The following ZNF559 variants were observed in gnomAD, a reference collection of about 807,000 sequenced individuals.
ZNF559 encodes zinc finger protein 559, also known as putative protein product of Nbla00121.
In ZNF559, 17 loss-of-function variants were observed where a neutral mutation model predicts 14.2. That is an observed-to-expected ratio of 1.20 (90% CI 0.82 to 1.80). ZNF559 has a LOEUF of 1.80. Ranked by LOEUF, ZNF559 falls within the 40% of genes most tolerant of loss-of-function variation. ZNF559 has a pLI of 0.00. For synonymous variants in ZNF559, 244 were observed against 212.4 expected, an observed-to-expected ratio of 1.15 and a Z score of -1.29; for missense variants, 740 against 629.7, an observed-to-expected ratio of 1.18 and a Z score of -1.88.
At chr19:9,330,624 C>T (rs886689803) in intron 2 of ZNF559, among the ~76,000 whole-genome samples, 3 of 152,126 alleles carry the variant, frequency 2.0e-5, no homozygotes, top group African/African-American at 7.2e-5. Flanking sequence ...TTATTGTACT[C>T]TTCAACTCCA....
intron 2 of ZNF559, among the ~76,000 whole-genome samples, chr19:9,334,117 G>A (rs757442804): frequency 6.6e-6 from 1 of 152,124 alleles, no homozygotes; most frequent in Non-Finnish European, 1.5e-5. Context: ...CCTTAAATGC[G>A]ACCATATAAC....
At chr19:9,325,001 C>T (rs550684329) in intron 2 of ZNF559, among the ~76,000 whole-genome samples, 13 of 152,328 alleles carry the variant, frequency 8.5e-5, no homozygotes, top group Admixed American at 2.0e-4. Context: ...AGATCTCACT[C>T]TAGCGCCCTG....
chr19:9,345,629 A>G lies in ZNF559; in HGVS notation c.*2561A>G, dbSNP rs770388503. ...GTCTGTTCAAATCTTTTGCCTGTTTATATTGGCTTTATTTTTTATTTATTT... is the reference window on the plus strand; with the variant it reads ...GTCTGTTCAAATCTTTTGCCTGTTTGTATTGGCTTTATTTTTTATTTATTT... On this transcript the variant is annotated 3_prime_UTR_variant, in exon 7 of 7. Transcript: ENST00000603380. 49 of 149,626 alleles carry G rather than the reference A, an allele frequency of 3.3e-4. No homozygotes were observed. Among genetic ancestry groups the G allele is most frequent in the Non-Finnish European group, 6.1e-4 (41 of 67,486 alleles). The allele number at this position is 149,626 out of a possible 1,614,324, so 9.3% of individuals were successfully genotyped here.
rs138196278 is a variant in ZNF559, at chr19:9,331,913, A to G, written c.-119-5883A>G. Among the ~76,000 whole-genome samples, 336 of 152,300 alleles carry G rather than the reference A, an allele frequency of 2.2e-3. 2 individuals carry two copies. Among genetic ancestry groups the G allele is most frequent in the Admixed American group, 4.0e-3 (61 of 15,306 alleles). Reference sequence around the variant, plus strand: ...TTGCTAATTCAGACCCCTGTGGAAAACAGATTTATTAACTGAGTTATTTTT... The same window carrying G: ...TTGCTAATTCAGACCCCTGTGGAAAGCAGATTTATTAACTGAGTTATTTTT... On this transcript the variant is annotated intron_variant, in intron 2 of 6. Coordinates refer to ENST00000603380, the MANE Select transcript of ZNF559 (RefSeq NM_032497.3).
chr19:9,332,381 A>G (rs1472524089), intron 2 of ZNF559, among the ~76,000 whole-genome samples: 1 of 148,270 alleles, frequency 6.7e-6, no homozygotes, highest in African/African-American at 2.5e-5. Context: ...CACTGTATTC[A>G]TTTTGCTAAA....
chr19:9,339,340 T>C (rs764644898), intron 5 of ZNF559, 21 bp downstream of exon 5: 4 of 1,579,860 alleles, frequency 2.5e-6, no homozygotes, highest in Non-Finnish European at 1.7e-6. Flanking sequence ...TACCATTCTT[T>C]TCATTTAGTT....
At chr19:9,330,416 C>T (rs1383774087) in intron 2 of ZNF559, among the ~76,000 whole-genome samples, 1 of 152,172 alleles carries the variant, frequency 6.6e-6, no homozygotes, top group Non-Finnish European at 1.5e-5. Flanking sequence ...ACTCATTTCT[C>T]TCTCTGCTCC....
At chr19:9,324,398 C>T in intron 1 of ZNF559, 170 bp downstream of exon 1, 2 of 1,477,342 alleles carry the variant, frequency 1.4e-6, no homozygotes, top group Middle Eastern at 1.9e-4. Flanking sequence ...CTGAGAGCCA[C>T]AGTCAGGTCT....
chr19:9,324,518 C>G, intron 1 of ZNF559, 177 bp from the exon 2 acceptor site: 2 of 1,292,198 alleles, frequency 1.5e-6, no homozygotes, highest in Non-Finnish European at 2.1e-6. Flanking sequence ...TAGGGCCCGG[C>G]GCGGCGGCTC....
chr19:9,337,768 C>G, intron 2 of ZNF559, 28 bp from the exon 3 acceptor site: 1 of 1,411,126 alleles, frequency 7.1e-7, no homozygotes, highest in Non-Finnish European at 9.2e-7. Flanking sequence ...TCTAGTGGCA[C>G]TCACATGAAC....
chr19:9,324,507 A>G lies in ZNF559; in HGVS notation c.-205-188A>G, dbSNP rs62104792. 1.7e-5 allele frequency: 23 copies of G among 1,337,644 alleles called. No individual in the cohort carries two copies. In the African/African-American group the frequency reaches 3.0e-4, roughly 17 times the overall value. The allele number at this position is 1,337,644 out of a possible 1,614,324, so 82.9% of individuals were successfully genotyped here. A position where few individuals can be genotyped will look rare whatever the true frequency, so the allele number is the denominator to read the frequency against. On this transcript the variant is annotated intron_variant, in intron 1 of 6. Transcript: ENST00000603380. ...CCCTGCTCCCCTCTGCAGAAGCCTC[A>G]TAGGGCCCGGCGCGGCGGCTCACGC...
In ZNF559 at chr19:9,334,437, A is replaced by C. The variant is rs575625119; in HGVS notation, c.-119-3359A>C. Among the ~76,000 whole-genome samples the C allele has an allele frequency of 2.6e-5, 4 of 152,376 alleles. No individual in the cohort carries two copies. In the South Asian group the frequency reaches 8.3e-4, roughly 32 times the overall value. ...GCTTTTCGGTAAAAGGAAAAGAACT[A>C]TATGTGTAACAGTATGGATGACTCA... On this transcript the variant is annotated intron_variant, in intron 2 of 6. Transcript: ENST00000603380.
intron 2 of ZNF559, among the ~76,000 whole-genome samples, chr19:9,326,513 A>G (rs1043949897): frequency 6.6e-6 from 1 of 152,156 alleles, no homozygotes; most frequent in Non-Finnish European, 1.5e-5. Context: ...TGATTTACCT[A>G]TGTCCTGTAT....
chr19:9,336,768 G>A lies in ZNF559; in HGVS notation c.-119-1028G>A, dbSNP rs150802526. ...AAATGTTTGCAGAGTGAATGAAAGCGTAAGCCAGAGATGAGGACTTGAAGG... is the reference window on the plus strand; with the variant it reads ...AAATGTTTGCAGAGTGAATGAAAGCATAAGCCAGAGATGAGGACTTGAAGG... On this transcript the variant is annotated intron_variant, in intron 2 of 6. Transcript: ENST00000603380. Among the ~76,000 whole-genome samples the A allele has an allele frequency of 1.3e-4, 20 of 152,238 alleles. No homozygotes were observed. In the South Asian group the frequency reaches 1.5e-3, roughly 11 times the overall value.
At position 9,339,188 on chromosome 19, in the gene ZNF559, T is replaced by A. The variant is rs1011349095; in HGVS notation, c.34-5T>A. On this transcript the variant is annotated splice_polypyrimidine_tract_variant and splice_region_variant and intron_variant, in intron 4 of 6. Coordinates refer to ENST00000603380, the MANE Select transcript of ZNF559 (RefSeq NM_032497.3). Reference sequence around the variant, plus strand: ...CCTGACGCCAGCATGTGTGTGATGGTTTAGGACTCAGTGACCTTTGAGGAT... The same window carrying A: ...CCTGACGCCAGCATGTGTGTGATGGATTAGGACTCAGTGACCTTTGAGGAT... 6.2e-7 allele frequency: 1 copy of A among 1,613,562 alleles called. No individual in the cohort carries two copies. The highest frequency in any genetic ancestry group is 1.3e-5 in the African/African-American group (1 of 74,998).
chr19:9,331,948 T>A (rs2066956671), intron 2 of ZNF559, among the ~76,000 whole-genome samples: 1 of 152,240 alleles, frequency 6.6e-6, no homozygotes, highest in South Asian at 2.1e-4. Flanking sequence ...TGTGTCATTC[T>A]TTTATATTTA....
chr19:9,343,384 A>G lies in ZNF559; in HGVS notation c.*316A>G, dbSNP rs571023003. 2 of 1,119,400 alleles carry G rather than the reference A, an allele frequency of 1.8e-6. No homozygotes were observed. Among genetic ancestry groups the G allele is most frequent in the Non-Finnish European group, 2.2e-6 (2 of 913,422 alleles). 69.3% of individuals were successfully genotyped at this position (1,119,400 alleles called of 1,614,324 possible). A position where few individuals can be genotyped will look rare whatever the true frequency, so the allele number is the denominator to read the frequency against. On this transcript the variant is annotated 3_prime_UTR_variant, in exon 7 of 7. Coordinates refer to ENST00000603380, the MANE Select transcript of ZNF559 (RefSeq NM_032497.3). ...CTCATGCTGGAGAGAAATGCTATGA[A>G]TGTGAGGAAGGTGGAAAAGCTTTCA...
At chr19:9,335,066 G>A (rs544545280) in intron 2 of ZNF559, among the ~76,000 whole-genome samples, 1 of 151,538 alleles carries the variant, frequency 6.6e-6, no homozygotes, top group East Asian at 1.9e-4. Flanking sequence ...AACGCGGGAG[G>A]CGGAGCTTGC....
At position 9,344,580 on chromosome 19, in the gene ZNF559, CAG is replaced by C. The variant is rs2067690002; in HGVS notation, c.*1515_*1516del. ...GATTGCTTGAGCCTGGTCAGGGAGG[CAG>C]AGGTTGCAGTGAGCCCTGATCGTGC... On this transcript the variant is annotated 3_prime_UTR_variant, in exon 7 of 7. Coordinates refer to ENST00000603380, the MANE Select transcript of ZNF559 (RefSeq NM_032497.3). 1 of 151,914 alleles carries C rather than the reference CAG, an allele frequency of 6.6e-6. No individual in the cohort carries two copies. Among genetic ancestry groups the C allele is most frequent in the Admixed American group, 6.6e-5 (1 of 15,226 alleles). 9.4% of individuals were successfully genotyped at this position (151,914 alleles called of 1,614,324 possible).
Sources: allele counts gnomAD v4.1 joint callset (sites outside exome capture counted in the v4.1 genomes callset), GRCh38; gene constraint gnomAD v4.1.1; transcripts MANE v1.5; gene names NCBI Gene and HGNC (gene_info 2026-07-23, HGNC 2026-07-21).